Variants in LIN28B observed in about 807,000 individuals in gnomAD.
LIN28B encodes the protein lin-28 RNA binding posttranscriptional regulator B.
Under a neutral mutation model 21.9 loss-of-function variants are expected in LIN28B, and 5 were observed. That is an observed-to-expected ratio of 0.23 (90% CI 0.12 to 0.48). The LOEUF is 0.48. Ranked by LOEUF, LIN28B falls within the 20% of genes least tolerant of loss-of-function variation. The pLI is 0.98. For missense variants in LIN28B, 245 were observed against 310.5 expected (o/e 0.79, Z 1.58); for synonymous variants, 109 against 111.3 (o/e 0.98, Z 0.13).
At chr6:104,980,679 C>G (rs1178146702) in intron 2 of LIN28B, among the ~76,000 whole-genome samples, 2 of 152,104 alleles carry the variant, frequency 1.3e-5, no homozygotes, top group Non-Finnish European at 2.9e-5. Context: ...GTTCCTTTTT[C>G]TACAGTGATG....
intron 2 of LIN28B, among the ~76,000 whole-genome samples, chr6:104,981,260 G>C (rs955840801): frequency 6.6e-6 from 1 of 151,780 alleles, no homozygotes; most frequent in East Asian, 1.9e-4. Context: ...ACTCTTTCTG[G>C]TGTTAAAAGC....
intron 2 of LIN28B, among the ~76,000 whole-genome samples, chr6:104,980,096 A>C (rs921846723): frequency 2.0e-5 from 3 of 152,182 alleles, no homozygotes; most frequent in Admixed American, 6.5e-5. Flanking sequence ...TCTCCTAGCT[A>C]ATATGGAATT....
intron 3 of LIN28B, among the ~76,000 whole-genome samples, chr6:105,063,607 G>A (rs1162058789): frequency 1.5e-5 from 2 of 135,212 alleles, no homozygotes; most frequent in Non-Finnish European, 3.1e-5. Flanking sequence ...CTGCACTCCA[G>A]CCTGGGCGAC....
chr6:105,026,956 C>G (rs1771298336), intron 3 of LIN28B, among the ~76,000 whole-genome samples: 1 of 151,990 alleles, frequency 6.6e-6, no homozygotes, highest in African/African-American at 2.4e-5. Flanking sequence ...TATTTTGAAA[C>G]TTGTAATTTT....
In LIN28B at chr6:105,036,651, C is replaced by CTT. The variant is rs72561543; in HGVS notation, c.383+10169_383+10170insTT. ...GGCGCTGCATAGGTCTCCCAAGATGCCATTGGAATGGTCAGAAGCCAAGTG... is the reference window on the plus strand; with the variant it reads ...GGCGCTGCATAGGTCTCCCAAGATGCTTCATTGGAATGGTCAGAAGCCAAGTG... On this transcript the variant is annotated intron_variant, in intron 3 of 3. Transcript: ENST00000345080. Among the ~76,000 whole-genome samples the CTT allele has an allele frequency of 7.9e-3, 500 of 63,436 alleles. 5 individuals carry two copies. The South Asian group carries it at 0.091, about 12-fold the overall frequency. 41.6% of individuals were successfully genotyped at this position (63,436 alleles called of 152,430 possible). A position where few individuals can be genotyped will look rare whatever the true frequency, so the allele number is the denominator to read the frequency against.
intron 3 of LIN28B, among the ~76,000 whole-genome samples, chr6:104,951,519 A>G (rs532855693): frequency 6.6e-6 from 1 of 152,120 alleles, no homozygotes; most frequent in East Asian, 1.9e-4. Context: ...TATTGTTTTC[A>G]TTTATTAATT....
chr6:105,077,759 A>G (rs1277909678), intron 3 of LIN28B, among the ~76,000 whole-genome samples: 1 of 152,126 alleles, frequency 6.6e-6, no homozygotes, highest in Non-Finnish European at 1.5e-5. Context: ...TCAGACATTT[A>G]CTCTATTGCT....
In LIN28B at chr6:104,990,587, A is replaced by T. The variant is rs558898852; in HGVS notation, c.198+32301A>T. Among the ~76,000 whole-genome samples the T allele has an allele frequency of 8.9e-4, 116 of 130,810 alleles. No homozygotes were observed. In the East Asian group the frequency reaches 0.016, roughly 18 times the overall value. The allele number at this position is 130,810 out of a possible 152,430, so 85.8% of individuals were successfully genotyped here. A position where few individuals can be genotyped will look rare whatever the true frequency, so the allele number is the denominator to read the frequency against. ...ATTTTTTATTTTTTTTTTTTTATTG[A>T]TCATTCTTGGGTGTTTCTCGCAGAG... On this transcript the variant is annotated intron_variant, in intron 2 of 3. Coordinates refer to ENST00000345080, the MANE Select transcript of LIN28B (RefSeq NM_001004317.4).
At chr6:104,978,392 G>A (rs547883787) in intron 2 of LIN28B, among the ~76,000 whole-genome samples, 1 of 152,222 alleles carries the variant, frequency 6.6e-6, no homozygotes, top group Admixed American at 6.5e-5. Context: ...CTTGAAATGG[G>A]AGAGACCTGT....
intron 3 of LIN28B, among the ~76,000 whole-genome samples, chr6:105,029,992 T>C (rs527699610): frequency 6.6e-6 from 1 of 152,240 alleles, no homozygotes; most frequent in East Asian, 1.9e-4. Flanking sequence ...TACGAGGTGG[T>C]GGTGGTCAGA....
At chr6:104,974,565 C>G (rs1770047967) in intron 2 of LIN28B, among the ~76,000 whole-genome samples, 1 of 150,664 alleles carries the variant, frequency 6.6e-6, no homozygotes, top group African/African-American at 2.4e-5. Context: ...GTAGTGTAAA[C>G]TCCCTGAAGG....
At chr6:104,992,146 C>T (rs183409591) in intron 2 of LIN28B, among the ~76,000 whole-genome samples, 1 of 152,052 alleles carries the variant, frequency 6.6e-6, no homozygotes, top group East Asian at 1.9e-4. Flanking sequence ...ACCGTAACCT[C>T]CGCCTTTGGG....
At chr6:105,073,566 A>C (rs975902740) in intron 3 of LIN28B, among the ~76,000 whole-genome samples, 32 of 152,306 alleles carry the variant, frequency 2.1e-4, no homozygotes, top group African/African-American at 7.7e-4. Flanking sequence ...CTTACAGATC[A>C]CTGTCAAAAT....
At chr6:105,040,011 A>C (rs1771600868) in intron 3 of LIN28B, among the ~76,000 whole-genome samples, 1 of 152,082 alleles carries the variant, frequency 6.6e-6, no homozygotes, top group Non-Finnish European at 1.5e-5. Context: ...GATGTTTGCT[A>C]TTGTTTTTCA....
In LIN28B at chr6:105,083,170, C is replaced by G. The variant is rs978233603; in HGVS notation, c.*4387C>G. 1 of 152,588 alleles carries G rather than the reference C, an allele frequency of 6.6e-6. No homozygotes were observed. Among genetic ancestry groups the G allele is most frequent in the African/African-American group, 2.4e-5 (1 of 41,428 alleles). The allele number at this position is 152,588 out of a possible 1,614,324, so 9.5% of individuals were successfully genotyped here. ...GTAGATGTTTGGAATGCGTTTCACT[C>G]GCATGCAGTCATCTGGAGGGACTGA... On this transcript the variant is annotated 3_prime_UTR_variant, in exon 4 of 4. Coordinates refer to ENST00000345080, the MANE Select transcript of LIN28B (RefSeq NM_001004317.4).
At chr6:105,016,900 T>C (rs1356568931) in intron 2 of LIN28B, among the ~76,000 whole-genome samples, 6 of 147,914 alleles carry the variant, frequency 4.1e-5, no homozygotes, top group Non-Finnish European at 7.5e-5. Flanking sequence ...GTAATGAAAA[T>C]CAAAACAAAA....
chr6:105,053,417 G>A (rs942089253), intron 3 of LIN28B, among the ~76,000 whole-genome samples: 4 of 147,826 alleles, frequency 2.7e-5, no homozygotes, highest in African/African-American at 7.6e-5. Flanking sequence ...GTGTGTGCAC[G>A]TGCTCATAAA....
intron 2 of LIN28B, among the ~76,000 whole-genome samples, chr6:105,024,368 T>A (rs1271831224): frequency 6.6e-6 from 1 of 152,174 alleles, no homozygotes; most frequent in African/African-American, 2.4e-5. Flanking sequence ...GTTTCTTTGT[T>A]CTCATAATTT....
chr6:105,079,488 GA>G lies in LIN28B; in HGVS notation c.*709del, dbSNP rs1450374183. On this transcript the variant is annotated 3_prime_UTR_variant, in exon 4 of 4. Coordinates refer to ENST00000345080, the MANE Select transcript of LIN28B (RefSeq NM_001004317.4). ...TTGATTCTGGGATAACATAACTCCA[GA>G]AAAGACAATGAATGTGTAATTTGGG... is the stretch of plus-strand genomic sequence containing the variant. The G allele has an allele frequency of 6.6e-6, 1 of 152,540 alleles. No individual in the cohort carries two copies. Among genetic ancestry groups the G allele is most frequent in the African/African-American group, 2.4e-5 (1 of 41,420 alleles). The allele number at this position is 152,540 out of a possible 1,614,324, so 9.4% of individuals were successfully genotyped here.
Sources: allele counts gnomAD v4.1 joint callset (sites outside exome capture counted in the v4.1 genomes callset), GRCh38; gene constraint gnomAD v4.1.1; transcripts MANE v1.5; gene names NCBI Gene and HGNC (gene_info 2026-07-23, HGNC 2026-07-21).